Variants in CARMIL2 observed in about 807,000 individuals in gnomAD.
CARMIL2 encodes the protein capping protein regulator and myosin 1 linker 2, also known as capping protein, Arp2/3 and myosin-I linker protein 2.
A neutral mutation model predicts 173.3 loss-of-function variants in CARMIL2; 96 were observed. The ratio of observed to expected loss-of-function variants is 0.55; its 90% confidence interval spans 0.47 to 0.66. The LOEUF is 0.66. Among genes scored for constraint, CARMIL2 ranks in the 30% least tolerant of loss-of-function variants. The pLI is 0.00. For synonymous variants in CARMIL2, 830 were observed against 817.1 expected (o/e 1.02, Z -0.27); for missense variants, 1,771 against 1,906.7 (o/e 0.93, Z 1.33).
chr16:67,654,017 A>G (rs1439038517), intron 29 of CARMIL2, 132 bp from the exon 30 acceptor site: 5 of 606,194 alleles, frequency 8.2e-6, no homozygotes, highest in African/African-American at 3.9e-5. Context: ...GGAGGCTGGT[A>G]TCAGCAGCCC....
chr16:67,654,088 G>GT (rs2052784125), intron 29 of CARMIL2, 61 bp from the exon 30 acceptor site: 3 of 1,110,026 alleles, frequency 2.7e-6, no homozygotes, highest in African/African-American at 1.7e-5. Context: ...GCCGGGGGGG[G>GT]GGGGGGGTAG....
In CARMIL2 at chr16:67,649,035, C is replaced by T. The variant is rs2142923073; in HGVS notation, c.1592-41C>T. The T allele has an allele frequency of 6.2e-7, 1 of 1,604,654 alleles. No individual in the cohort carries two copies. The highest frequency in any genetic ancestry group is 1.7e-4 in the Middle Eastern group (1 of 6,050). Reference sequence around the variant, plus strand: ...ACTCGATTCCCAATCCCCACCCTACCCTTGCAACTTCGCCTCGTGCGTGAC... The same window carrying T: ...ACTCGATTCCCAATCCCCACCCTACTCTTGCAACTTCGCCTCGTGCGTGAC... On this transcript the variant is annotated intron_variant, in intron 17 of 37. Coordinates refer to ENST00000334583, the MANE Select transcript of CARMIL2 (RefSeq NM_001013838.3). This position sits in a 1 kb window ranked among gnomAD's most constrained non-coding sequence, Gnocchi z 6.7.
chr16:67,646,480 C>A lies in CARMIL2; in HGVS notation c.429C>A (p.Ser143Arg), dbSNP rs1293578157. Residue 143 changes from serine (S) to arginine (R), a missense_variant, in exon 6 of 38, where the codon AGC becomes AGA. Around this residue, in one of 3 missense-constraint regions of CARMIL2, gnomAD observed 944 missense variants for 975.6 expected, o/e 0.97. Coordinates refer to ENST00000334583, the MANE Select transcript of CARMIL2 (RefSeq NM_001013838.3). This position sits in a 1 kb window ranked among gnomAD's most constrained non-coding sequence, Gnocchi z 4.6. Reference sequence around the variant, plus strand: ...CCATGCTGGCTCGGCTGGAGAGAAGCAGCCCCTCGGAGTCCACTGACCCCT... The same window carrying A: ...CCATGCTGGCTCGGCTGGAGAGAAGAAGCCCCTCGGAGTCCACTGACCCCT... ...PASMLARLER[S>R]SPSESTDPCS... 6.2e-7 allele frequency: 1 copy of A among 1,613,354 alleles called. No homozygotes were observed.
At chr16:67,656,329 G>A in intron 34 of CARMIL2, 30 bp downstream of exon 34, 1 of 1,613,454 alleles carries the variant, frequency 6.2e-7, no homozygotes, top group Non-Finnish European at 8.5e-7. Context: ...TGTGTTGGTA[G>A]TGGGAGCAGG....
Position 67,652,651 on chromosome 16 carries a change from C to A in CARMIL2, c.2884+113C>A. ...TCAGCCTTGTCTGGGTACCCACCAGCCCTTGACTGGGCCAGGTCGGGCCCC... is the reference window on the plus strand; with the variant it reads ...TCAGCCTTGTCTGGGTACCCACCAGACCTTGACTGGGCCAGGTCGGGCCCC... On this transcript the variant is annotated intron_variant, in intron 28 of 37. Coordinates refer to ENST00000334583, the MANE Select transcript of CARMIL2 (RefSeq NM_001013838.3). The surrounding 1 kb of genome is among the most constrained non-coding windows in gnomAD (Gnocchi z 4.7). 1.9e-6 allele frequency: 2 copies of A among 1,065,784 alleles called. No homozygotes were observed. The highest frequency in any genetic ancestry group is 1.4e-6 in the Non-Finnish European group (1 of 722,696). The allele number at this position is 1,065,784 out of a possible 1,614,324, so 66.0% of individuals were successfully genotyped here. A position where few individuals can be genotyped will look rare whatever the true frequency, so the allele number is the denominator to read the frequency against.
At position 67,647,970 on chromosome 16, in the gene CARMIL2, T is replaced by C. The variant is rs1175443969; in HGVS notation, c.1071+12T>C. On this transcript the variant is annotated intron_variant, in intron 13 of 37. Coordinates refer to ENST00000334583, the MANE Select transcript of CARMIL2 (RefSeq NM_001013838.3). ...CCGAGGACAGTGGGGTGAGTGGCTG[T>C]CTTCAGGGTGGGAGCTTGGGGTTGC... is the stretch of plus-strand genomic sequence containing the variant. The C allele has an allele frequency of 2.5e-6, 4 of 1,605,002 alleles. No individual in the cohort carries two copies. In the Admixed American group the frequency reaches 5.1e-5, roughly 20 times the overall value.
chr16:67,655,842 A>G (rs1225379387), intron 32 of CARMIL2, among the ~76,000 whole-genome samples, 189 bp from the exon 33 acceptor site: 1 of 152,210 alleles, frequency 6.6e-6, no homozygotes, highest in African/African-American at 2.4e-5. Context: ...AACAAAAAAC[A>G]TGAAGTCGGC....
intron 3 of CARMIL2, 96 bp from the exon 4 acceptor site, chr16:67,645,922 A>C: frequency 6.4e-7 from 1 of 1,564,512 alleles, no homozygotes; most frequent in Non-Finnish European, 8.8e-7. Flanking sequence ...AGGGGAGTCC[A>C]GGCAGATCTG....
chr16:67,646,041 G>A lies in CARMIL2; in HGVS notation c.210G>A (p.Leu70=), dbSNP rs1296231757. The change falls in exon 4 of 38, where the codon CTG becomes CTA. Residue 70 remains leucine (L), a synonymous_variant. Coordinates refer to ENST00000334583, the MANE Select transcript of CARMIL2 (RefSeq NM_001013838.3). This position sits in a 1 kb window ranked among gnomAD's most constrained non-coding sequence, Gnocchi z 4.6. ...PLRVDCTFSY[L]EVQAMALQET... Reference sequence around the variant, plus strand: ...AGGTGGACTGCACGTTCAGCTACCTGGAGGTCCAGGCCATGGCGCTGCAGG... The same window carrying A: ...AGGTGGACTGCACGTTCAGCTACCTAGAGGTCCAGGCCATGGCGCTGCAGG... 1.9e-6 allele frequency: 3 copies of A among 1,613,820 alleles called. No homozygotes were observed. The highest frequency in any genetic ancestry group is 2.5e-6 in the Non-Finnish European group (3 of 1,179,896).
At position 67,652,256 on chromosome 16, in the gene CARMIL2, G is replaced by T. The variant is rs2052740021; in HGVS notation, c.2734G>T (p.Asp912Tyr). The T allele has an allele frequency of 6.2e-7, 1 of 1,613,276 alleles. No homozygotes were observed. The highest frequency in any genetic ancestry group is 1.7e-5 in the Admixed American group (1 of 60,008). ...VTMPPALPAPDGGEPSLLEPG... is the reference protein window; with the variant it reads ...VTMPPALPAPYGGEPSLLEPG... ...AATGCCCCCTGCCCTACCAGCACCG[G>T]ATGGAGGTGAGCCCAGCCTCCTTGA... is the stretch of plus-strand genomic sequence containing the variant. The change falls in exon 27 of 38, where the codon GAT becomes TAT. Residue 912 changes from aspartate to tyrosine, a missense_variant. Transcript: ENST00000334583. This position sits in a 1 kb window ranked among gnomAD's most constrained non-coding sequence, Gnocchi z 4.7.
Position 67,651,100 on chromosome 16 carries a change from C to A in CARMIL2, c.2185-87C>A. 6.7e-7 allele frequency: 1 copy of A among 1,498,178 alleles called. No homozygotes were observed. Among genetic ancestry groups the A allele is most frequent in the East Asian group, 2.4e-5 (1 of 40,984 alleles). The allele number at this position is 1,498,178 out of a possible 1,614,324, so 92.8% of individuals were successfully genotyped here. A position where few individuals can be genotyped will look rare whatever the true frequency, so the allele number is the denominator to read the frequency against. ...TAAGGGTGTCAGCTTCAGGACCTCC[C>A]TCTGTTAAAGAGCCTGGGAGGAAGG... On this transcript the variant is annotated intron_variant, in intron 22 of 37. Transcript: ENST00000334583. This position sits in a 1 kb window ranked among gnomAD's most constrained non-coding sequence, Gnocchi z 4.2.
chr16:67,657,353 G>A lies in CARMIL2; in HGVS notation c.4195+37G>A, dbSNP rs2052885498. On this transcript the variant is annotated intron_variant, in intron 37 of 37. Transcript: ENST00000334583. The surrounding 1 kb of genome is among the most constrained non-coding windows in gnomAD (Gnocchi z 4.5). Reference sequence around the variant, plus strand: ...TCCAGGCCAGCTGGGAGGGTGGCAGGACTGCTTAGCCCAGCCCTGACCCTT... The same window carrying A: ...TCCAGGCCAGCTGGGAGGGTGGCAGAACTGCTTAGCCCAGCCCTGACCCTT... 3 of 1,611,270 alleles carry A rather than the reference G, an allele frequency of 1.9e-6. No individual in the cohort carries two copies. Among genetic ancestry groups the A allele is most frequent in the East Asian group, 4.5e-5 (2 of 44,742 alleles).
rs758702213 is a variant in CARMIL2 at position 67,652,548 on chromosome 16, G to A, written c.2884+10G>A. Reference sequence around the variant, plus strand: ...GTCCCCTTCATTCACAGTAAGTCAGGGCCTTGGGGGAGGGAGTTTACGTGG... The same window carrying A: ...GTCCCCTTCATTCACAGTAAGTCAGAGCCTTGGGGGAGGGAGTTTACGTGG... On this transcript the variant is annotated intron_variant, in intron 28 of 37. Coordinates refer to ENST00000334583, the MANE Select transcript of CARMIL2 (RefSeq NM_001013838.3). The surrounding 1 kb of genome is among the most constrained non-coding windows in gnomAD (Gnocchi z 4.7). 16 of 1,612,740 alleles carry A rather than the reference G, an allele frequency of 9.9e-6. No individual in the cohort carries two copies. The highest frequency in any genetic ancestry group is 3.3e-5 in the Admixed American group (2 of 59,934).
In CARMIL2 at chr16:67,651,255, G is replaced by A. The variant is rs750123004; in HGVS notation, c.2253G>A (p.Gln751=). The stretch of plus-strand genomic sequence containing the variant: ...TGCTGGGCTGTGGGGCTGGGCCCCA[G>A]GGTGAAGCCGCTGTGCGCCAGGCCG... ...VELLGCGAGP[Q]GEAAVRQAED... Residue 751 remains glutamine (Q), a synonymous_variant, in exon 23 of 38, where the codon CAG becomes CAA. Transcript: ENST00000334583. This position sits in a 1 kb window ranked among gnomAD's most constrained non-coding sequence, Gnocchi z 4.2. 2 of 1,613,592 alleles carry A rather than the reference G, an allele frequency of 1.2e-6. No individual in the cohort carries two copies. The highest frequency in any genetic ancestry group is 1.3e-5 in the African/African-American group (1 of 75,058).
At position 67,652,629 on chromosome 16, in the gene CARMIL2, G is replaced by A; in HGVS notation, c.2884+91G>A. 1.6e-6 allele frequency: 2 copies of A among 1,267,442 alleles called. No homozygotes were observed. The highest frequency in any genetic ancestry group is 2.6e-5 in the South Asian group (2 of 77,094). The allele number at this position is 1,267,442 out of a possible 1,614,324, so 78.5% of individuals were successfully genotyped here. ...CCGGGGACCTGGATGAACTCATTCA[G>A]CCTTGTCTGGGTACCCACCAGCCCT... is the stretch of plus-strand genomic sequence containing the variant. On this transcript the variant is annotated intron_variant, in intron 28 of 37. Transcript: ENST00000334583. The surrounding 1 kb of genome is among the most constrained non-coding windows in gnomAD (Gnocchi z 4.7).
chr16:67,657,530 C>T lies in CARMIL2; in HGVS notation c.*12C>T. On this transcript the variant is annotated 3_prime_UTR_variant, in exon 38 of 38. Transcript: ENST00000334583. This position sits in a 1 kb window ranked among gnomAD's most constrained non-coding sequence, Gnocchi z 4.5. ...GCCCCAATCCCTGATCCTCTCCTCT[C>T]CTGCCGCATGAGATTATTTTATTAA... is the stretch of plus-strand genomic sequence containing the variant. The T allele has an allele frequency of 6.2e-7, 1 of 1,613,688 alleles. No homozygotes were observed. The highest frequency in any genetic ancestry group is 8.5e-7 in the Non-Finnish European group (1 of 1,179,728).
intron 29 of CARMIL2, 58 bp from the exon 30 acceptor site, chr16:67,654,091 G>GGT (rs1555540723): frequency 1.8e-6 from 2 of 1,093,860 alleles, no homozygotes; most frequent in African/African-American, 1.8e-5. Context: ...GGGGGGGGGG[G>GGT]GGGGTAGAAG....
rs565883438 is a variant in CARMIL2 at position 67,649,152 on chromosome 16, G to A, written c.1668G>A (p.Arg556=). The A allele has an allele frequency of 1.1e-4, 180 of 1,613,558 alleles. 3 individuals are homozygous for A. The South Asian group carries it at 1.8e-3, about 16-fold the overall frequency. ...CCCTGAGACATGTGGCGCTTGGAAG[G>A]AACTTCAACGTCCGGTGCAAGTGAG... ...SRSLRHVALG[R]NFNVRCKETL... is the part of the protein sequence containing the mutation. The change falls in exon 18 of 38, where the codon AGG becomes AGA. Residue 556 remains arginine, a synonymous_variant. Coordinates refer to ENST00000334583, the MANE Select transcript of CARMIL2 (RefSeq NM_001013838.3). This position sits in a 1 kb window ranked among gnomAD's most constrained non-coding sequence, Gnocchi z 6.7.
rs752218473 is a variant in CARMIL2, at chr16:67,648,143, C to A, written c.1163C>A (p.Ser388Tyr). The A allele has an allele frequency of 1.2e-6, 2 of 1,612,366 alleles. No homozygotes were observed. Among genetic ancestry groups the A allele is most frequent in the South Asian group, 1.1e-5 (1 of 90,936 alleles). Residue 388 changes from serine (S) to tyrosine (Y), a missense_variant, in exon 14 of 38, where the codon TCC becomes TAC. Physicochemically the swap from Ser to Tyr is moderately radical, Grantham distance 144. Transcript: ENST00000334583. This position sits in a 1 kb window ranked among gnomAD's most constrained non-coding sequence, Gnocchi z 6.1. ...DTALDTVRGC[S>Y]VGGWMTGRAD... The stretch of plus-strand genomic sequence containing the variant: ...GCCCTGGACACTGTGAGGGGGTGCT[C>A]CGTGGGGGGATGGATGACCGGCAGG...
Sources: allele counts gnomAD v4.1 joint callset (sites outside exome capture counted in the v4.1 genomes callset), GRCh38; gene constraint gnomAD v4.1.1; regional missense constraint gnomAD v4.1.1; non-coding constraint Gnocchi (gnomAD v3.1); transcripts MANE v1.5; gene names NCBI Gene and HGNC (gene_info 2026-07-23, HGNC 2026-07-21).